The following MLIP variants were observed in gnomAD, a reference collection of about 807,000 sequenced individuals.
MLIP encodes muscular LMNA-interacting protein.
In MLIP, 79 loss-of-function variants were observed where a neutral mutation model predicts 84.8. The observed-to-expected ratio is 0.93, with a 90% CI of 0.78 to 1.12. The LOEUF is 1.12. Ranked by LOEUF, MLIP falls within the 50% of genes most tolerant of loss-of-function variation. The probability of loss-of-function intolerance (pLI) is 0.00; values close to 1 mark genes in which losing one functional copy is unlikely to be tolerated. For synonymous variants in MLIP, 504 were observed against 463.0 expected, an observed-to-expected ratio of 1.09 and a Z score of -1.14; for missense variants, 1,257 against 1,160.6, an observed-to-expected ratio of 1.08 and a Z score of -1.21.
intron 12 of MLIP, among the ~76,000 whole-genome samples, chr6:54,232,980 A>AAAC (rs1781109194): frequency 1.3e-5 from 2 of 152,232 alleles, no homozygotes; most frequent in South Asian, 4.2e-4. Flanking sequence ...AGTTTTAATC[A>AAAC]AACTCCTCAT....
chr6:54,068,935 A>G (rs568081750), intron 1 of MLIP, among the ~76,000 whole-genome samples: 1 of 100,696 alleles, frequency 9.9e-6, no homozygotes, highest in South Asian at 3.5e-4. Flanking sequence ...TGTGTGCTCT[A>G]ATTCATTGTC....
chr6:54,180,920 A>G (rs549105405), intron 9 of MLIP, among the ~76,000 whole-genome samples: 15 of 152,150 alleles, frequency 9.9e-5, no homozygotes, highest in Admixed American at 4.6e-4. Flanking sequence ...CAGTGTCTCA[A>G]CATTGAAGAG....
At chr6:54,131,289 G>T (rs565931979) in intron 3 of MLIP, among the ~76,000 whole-genome samples, 1 of 152,234 alleles carries the variant, frequency 6.6e-6, no homozygotes, top group South Asian at 2.1e-4. Flanking sequence ...TTGAGGCTGT[G>T]GAATTCATGG....
intron 1 of MLIP, among the ~76,000 whole-genome samples, chr6:54,103,707 A>C (rs574637884): frequency 6.6e-6 from 1 of 152,338 alleles, no homozygotes; most frequent in East Asian, 1.9e-4. Context: ...ATGTATTTCT[A>C]TAAAGTACAA....
chr6:54,122,731 C>G (rs1770561352), intron 2 of MLIP, among the ~76,000 whole-genome samples: 1 of 152,030 alleles, frequency 6.6e-6, no homozygotes, highest in African/African-American at 2.4e-5. Flanking sequence ...TTAATGAGAT[C>G]CTTTGTAATT....
intron 1 of MLIP, among the ~76,000 whole-genome samples, chr6:54,087,497 A>T (rs776433894): frequency 1.3e-5 from 2 of 152,196 alleles, no homozygotes; most frequent in African/African-American, 4.8e-5. Context: ...CACAGAAATC[A>T]GGGATAAAAA....
chr6:54,081,848 T>C (rs1325397030), intron 1 of MLIP, among the ~76,000 whole-genome samples: 1 of 152,218 alleles, frequency 6.6e-6, no homozygotes, highest in African/African-American at 2.4e-5. Flanking sequence ...GGACTGTTTG[T>C]TCTTTTACCT....
chr6:54,192,225 TAA>T (rs10583838), intron 10 of MLIP, among the ~76,000 whole-genome samples: 125,272 of 151,542 alleles, frequency 0.83, 53,402 homozygotes, highest in Non-Finnish European at 0.94. Flanking sequence ...AGTTTTAAAT[TAA>T]GTTTTAATCT....
chr6:54,071,949 C>T (rs1028605478), intron 1 of MLIP, among the ~76,000 whole-genome samples: 1 of 152,112 alleles, frequency 6.6e-6, no homozygotes, highest in African/African-American at 2.4e-5. Flanking sequence ...ATTACAGTTC[C>T]CCTTAACTGT....
chr6:54,043,593 C>T (rs1307421582), intron 1 of MLIP, among the ~76,000 whole-genome samples: 3 of 152,168 alleles, frequency 2.0e-5, no homozygotes, highest in African/African-American at 7.2e-5. Flanking sequence ...CTGTGTAAAG[C>T]TAACTGAGCC....
intron 9 of MLIP, among the ~76,000 whole-genome samples, chr6:54,172,640 T>TA (rs1049089441): frequency 2.0e-5 from 3 of 151,030 alleles, no homozygotes; most frequent in African/African-American, 7.3e-5. Flanking sequence ...AATGGTTTAA[T>TA]AAAATAACAA....
intron 9 of MLIP, among the ~76,000 whole-genome samples, chr6:54,180,323 T>C (rs1346055189): frequency 1.3e-5 from 2 of 152,180 alleles, no homozygotes; most frequent in Non-Finnish European, 2.9e-5. Flanking sequence ...ATCTTCCTGG[T>C]GTTCTATAGC....
At chr6:54,090,763 A>G (rs1353515653) in intron 1 of MLIP, among the ~76,000 whole-genome samples, 1 of 152,048 alleles carries the variant, frequency 6.6e-6, no homozygotes, top group African/African-American at 2.4e-5. Flanking sequence ...TAATTTTAAC[A>G]TTCATAAGCA....
chr6:54,239,579 T>A (rs12195488), intron 12 of MLIP, among the ~76,000 whole-genome samples: 23,529 of 149,328 alleles, frequency 0.16, 2,346 homozygotes, highest in African/African-American at 0.28. Flanking sequence ...AAGACCAGCC[T>A]GACCAACATC....
chr6:54,131,781 G>A (rs1389848501), intron 3 of MLIP, among the ~76,000 whole-genome samples: 1 of 152,168 alleles, frequency 6.6e-6, no homozygotes, highest in Non-Finnish European at 1.5e-5. Flanking sequence ...AACCATGCCA[G>A]CATTTAGTGT....
intron 4 of MLIP, among the ~76,000 whole-genome samples, chr6:54,146,079 G>T (rs931660891): frequency 6.6e-6 from 1 of 151,990 alleles, no homozygotes; most frequent in African/African-American, 2.4e-5. Context: ...CTGTTTTTGG[G>T]TATAAAAAGG....
At chr6:54,025,863 C>A (rs1276460100) in intron 1 of MLIP, among the ~76,000 whole-genome samples, 1 of 152,164 alleles carries the variant, frequency 6.6e-6, no homozygotes, top group African/African-American at 2.4e-5. Flanking sequence ...GCTTACTGTG[C>A]ATTCTACGTC....
intron 13 of MLIP, among the ~76,000 whole-genome samples, chr6:54,264,113 G>A (rs189553333): frequency 6.6e-6 from 1 of 152,024 alleles, no homozygotes; most frequent in African/African-American, 2.4e-5. Flanking sequence ...GTGGGTTCGG[G>A]AAGAGCTGAG....
At chr6:54,173,997 T>C (rs1776036251) in intron 9 of MLIP, among the ~76,000 whole-genome samples, 1 of 151,936 alleles carries the variant, frequency 6.6e-6, no homozygotes, top group South Asian at 2.1e-4. Flanking sequence ...TGTTTGTCCT[T>C]CTGTGCCTGG....
Sources: gnomAD v4.1 joint callset for allele counts (sites outside exome capture counted in the v4.1 genomes callset) on GRCh38, gnomAD v4.1.1 for gene constraint, MANE v1.5 for transcripts, NCBI Gene and HGNC (gene_info 2026-07-23, HGNC 2026-07-21) for gene names.